Variants in MCTP1 observed in about 807,000 individuals in gnomAD.
MCTP1 encodes the protein multiple C2 and transmembrane domain-containing protein 1.
Under a neutral mutation model 120.6 loss-of-function variants are expected in MCTP1, and 69 were observed. The ratio of observed to expected loss-of-function variants is 0.57; its 90% CI spans 0.47 to 0.70. MCTP1 has a LOEUF of 0.70. Among genes scored for constraint, MCTP1 ranks in the 30% least tolerant of loss-of-function variants. The pLI, the probability that MCTP1 is intolerant of heterozygous loss-of-function variation, is 0.00. For synonymous variants in MCTP1, 529 were observed against 493.1 expected (o/e 1.07, Z -0.96); for missense variants, 1,203 against 1,248.8 (o/e 0.96, Z 0.55).
intron 17 of MCTP1, among the ~76,000 whole-genome samples, chr5:94,865,797 G>A (rs1369566655): frequency 6.6e-6 from 1 of 151,866 alleles, no homozygotes; most frequent in African/African-American, 2.4e-5. Flanking sequence ...CCTTGGGCAA[G>A]CTACTTAACC....
At chr5:94,781,986 T>C (rs976033099) in intron 18 of MCTP1, among the ~76,000 whole-genome samples, 2 of 152,154 alleles carry the variant, frequency 1.3e-5, no homozygotes, top group African/African-American at 2.4e-5. Flanking sequence ...GGATTTATAA[T>C]ATAGATGGTT....
At position 95,221,520 on chromosome 5, in the gene MCTP1, T is replaced by C. The variant is rs549383956; in HGVS notation, c.720+62336A>G. The stretch of plus-strand genomic sequence containing the variant: ...GGTGACAAATGGGGCACATGAGATA[T>C]GTGGTTATAAATACAGTCTGTAATG... On this transcript the variant is annotated intron_variant, in intron 1 of 22. Coordinates refer to ENST00000515393, the MANE Select transcript of MCTP1 (RefSeq NM_024717.7). 6.4e-4 allele frequency among the ~76,000 whole-genome samples: 97 copies of C among 152,336 alleles called. 1 individual carries two copies. The highest frequency in any genetic ancestry group is 2.3e-3 in the African/African-American group (96 of 41,576).
chr5:94,894,970 C>T, intron 10 of MCTP1, 135 bp from the exon 11 acceptor site: 1 of 569,942 alleles, frequency 1.8e-6, no homozygotes, highest in Non-Finnish European at 3.0e-6. Context: ...TCTTTCAAGT[C>T]AGCTGACTTT....
At chr5:95,149,308 C>T (rs76983244) in intron 1 of MCTP1, among the ~76,000 whole-genome samples, 1 of 152,204 alleles carries the variant, frequency 6.6e-6, no homozygotes, top group African/African-American at 2.4e-5. Context: ...GGGTGTCTCA[C>T]CCCCTCAGTA....
intron 19 of MCTP1, among the ~76,000 whole-genome samples, chr5:94,731,577 T>G (rs193176219): frequency 6.6e-6 from 1 of 152,228 alleles, no homozygotes; most frequent in African/African-American, 2.4e-5. Context: ...CCTCTGTTTA[T>G]GAATGCTCCC....
intron 7 of MCTP1, among the ~76,000 whole-genome samples, chr5:94,921,322 A>G (rs1407736025): frequency 6.6e-6 from 1 of 152,188 alleles, no homozygotes; most frequent in Non-Finnish European, 1.5e-5. Flanking sequence ...ATCCCTGTAC[A>G]CAGTCTTTTC....
In MCTP1 at chr5:94,735,329, GTT is replaced by G. The variant is rs1305503082; in HGVS notation, c.2611-20445_2611-20444del. Among the ~76,000 whole-genome samples the G allele has an allele frequency of 2.2e-5, 3 of 135,664 alleles. No homozygotes were observed. In the East Asian group the frequency reaches 8.4e-4, roughly 38 times the overall value. The allele number at this position is 135,664 out of a possible 152,430, so 89.0% of individuals were successfully genotyped here. A position where few individuals can be genotyped will look rare whatever the true frequency, so the allele number is the denominator to read the frequency against. On this transcript the variant is annotated intron_variant, in intron 19 of 22. Transcript: ENST00000515393. ...ACCACATTATTTGTCTACATTTTTG[GTT>G]TTTGTTTTTGAGACAGGGTCTCAAA... is the stretch of plus-strand genomic sequence containing the variant.
intron 1 of MCTP1, among the ~76,000 whole-genome samples, chr5:95,152,509 T>G (rs1468792178): frequency 6.6e-6 from 1 of 152,216 alleles, no homozygotes; most frequent in Admixed American, 6.5e-5. Context: ...TAGGAAATGT[T>G]ACCAGATATG....
intron 2 of MCTP1, among the ~76,000 whole-genome samples, chr5:94,966,478 C>T (rs1825622076): frequency 6.6e-6 from 1 of 152,110 alleles, no homozygotes; most frequent in Non-Finnish European, 1.5e-5. Context: ...GGGTTAATAA[C>T]TTGCTCCAAG....
At chr5:95,062,489 C>A (rs920459478) in intron 1 of MCTP1, among the ~76,000 whole-genome samples, 8 of 152,158 alleles carry the variant, frequency 5.3e-5, no homozygotes, top group African/African-American at 1.9e-4. Context: ...TCCCTCCCTG[C>A]ATTAAGCTTC....
intron 1 of MCTP1, among the ~76,000 whole-genome samples, chr5:95,085,818 T>C (rs1195583742): frequency 6.6e-6 from 1 of 152,124 alleles, no homozygotes; most frequent in African/African-American, 2.4e-5. Context: ...TTTTGATTGG[T>C]ATGAAGTCTC....
chr5:95,257,830 C>CACACACACACACACAG (rs1582677271), intron 1 of MCTP1, among the ~76,000 whole-genome samples: 1 of 151,988 alleles, frequency 6.6e-6, no homozygotes, highest in Non-Finnish European at 1.5e-5. Context: ...CACACACACA[C>CACACACACACACACAG]AGACGGGAGT....
At chr5:94,931,798 A>G in intron 6 of MCTP1, 155 bp downstream of exon 6, 1 of 650,158 alleles carries the variant, frequency 1.5e-6, no homozygotes, top group Non-Finnish European at 2.7e-6. Context: ...TCTATTTAAA[A>G]AACATCACAT....
In MCTP1 at chr5:95,052,465, C is replaced by T. The variant is rs79741008; in HGVS notation, c.721-34981G>A. 8.2e-3 allele frequency among the ~76,000 whole-genome samples: 1,243 copies of T among 152,264 alleles called. 39 individuals carry two copies. The highest frequency in any genetic ancestry group is 0.076 in the East Asian group (394 of 5,188). ...ACTGGAATTCCTGTATTTTATCTGG[C>T]AATCTTTATTTCCTAGGGATGTAAG... On this transcript the variant is annotated intron_variant, in intron 1 of 22. Transcript: ENST00000515393.
intron 2 of MCTP1, among the ~76,000 whole-genome samples, chr5:94,982,764 C>G (rs1445094206): frequency 6.6e-6 from 1 of 151,410 alleles, no homozygotes; most frequent in Admixed American, 6.6e-5. Context: ...TGGTGCATGC[C>G]TGTAGTCCCA....
At chr5:94,785,162 A>G (rs1414689939) in intron 18 of MCTP1, among the ~76,000 whole-genome samples, 1 of 152,158 alleles carries the variant, frequency 6.6e-6, no homozygotes, top group Non-Finnish European at 1.5e-5. Context: ...TTCCATTAAG[A>G]AAGGCGAAAC....
At chr5:94,955,079 G>A (rs569024736) in intron 2 of MCTP1, among the ~76,000 whole-genome samples, 1 of 152,288 alleles carries the variant, frequency 6.6e-6, no homozygotes, top group African/African-American at 2.4e-5. Flanking sequence ...CATCTCAGTG[G>A]GACTGGTTGG....
chr5:95,050,146 G>T (rs1336329093), intron 1 of MCTP1, among the ~76,000 whole-genome samples: 3 of 151,704 alleles, frequency 2.0e-5, no homozygotes, highest in Non-Finnish European at 2.9e-5. Context: ...TTCTTTTACA[G>T]CTGAAGACAT....
intron 2 of MCTP1, among the ~76,000 whole-genome samples, chr5:94,966,137 C>A (rs1477277240): frequency 6.6e-6 from 1 of 152,106 alleles, no homozygotes; most frequent in Non-Finnish European, 1.5e-5. Flanking sequence ...GAGGAACAAT[C>A]TGGAATTTTA....
Sources: gnomAD v4.1 joint callset for allele counts (sites outside exome capture counted in the v4.1 genomes callset) on GRCh38, gnomAD v4.1.1 for gene constraint, MANE v1.5 for transcripts, NCBI Gene and HGNC (gene_info 2026-07-23, HGNC 2026-07-21) for gene names.